NCF2: variants seen among roughly 807,000 people sequenced by gnomAD.
The protein encoded by NCF2 is neutrophil cytosol factor 2.
In NCF2, 45 loss-of-function variants were observed where a neutral mutation model predicts 70.9. The observed-to-expected ratio is 0.63, with a 90% CI of 0.50 to 0.81. NCF2 has a LOEUF of 0.81. NCF2 is among the 40% of genes least tolerant of loss of function. The probability of loss-of-function intolerance (pLI) is 0.00; values close to 1 mark genes in which losing one functional copy is unlikely to be tolerated. For missense variants in NCF2, 522 were observed against 631.6 expected (o/e 0.83, Z 1.86); for synonymous variants, 203 against 233.6 (o/e 0.87, Z 1.19).
intron 1 of NCF2, 123 bp downstream of exon 1, chr1:183,590,033 G>A (rs2102941920): frequency 6.9e-7 from 1 of 1,445,270 alleles, no homozygotes; most frequent in South Asian, 1.2e-5. Flanking sequence ...GTCTAGGGGT[G>A]GAGCTTGGGC....
chr1:183,601,453 T>A, the NCF2 span, among the ~76,000 whole-genome samples: 2 of 152,260 alleles, frequency 1.3e-5, no homozygotes, highest in Non-Finnish European at 1.5e-5. Flanking sequence ...AATTAGAATA[T>A]CTGAGTCACA....
intron 2 of NCF2, among the ~76,000 whole-genome samples, chr1:183,581,876 C>T (rs1046600214): frequency 6.6e-6 from 1 of 152,152 alleles, no homozygotes; most frequent in Non-Finnish European, 1.5e-5. Flanking sequence ...ACCGTGTTAG[C>T]CAGGATGGTC....
chr1:183,566,366 G>T (rs1487741962), intron 9 of NCF2, among the ~76,000 whole-genome samples: 2 of 152,146 alleles, frequency 1.3e-5, no homozygotes, highest in Non-Finnish European at 2.9e-5. Context: ...GCAGTGGCTG[G>T]CAAGGCCCAC....
chr1:183,564,821 T>G (rs1672232251), intron 10 of NCF2, among the ~76,000 whole-genome samples: 2 of 152,256 alleles, frequency 1.3e-5, no homozygotes, highest in Admixed American at 1.3e-4. Flanking sequence ...TACTATCATA[T>G]GAATGTTTAG....
intron 2 of NCF2, 71 bp downstream of exon 2, chr1:183,586,824 A>C (rs1348419798): frequency 7.0e-7 from 1 of 1,420,298 alleles, no homozygotes; most frequent in Non-Finnish European, 1.0e-6. Flanking sequence ...TCAAACACCA[A>C]GCCCGCAACA....
chr1:183,583,172 C>T (rs965751318), intron 2 of NCF2, among the ~76,000 whole-genome samples: 4 of 152,126 alleles, frequency 2.6e-5, no homozygotes, highest in Admixed American at 6.6e-5. Flanking sequence ...CCTGCCTCAG[C>T]GTCCCAAGTA....
the NCF2 span, among the ~76,000 whole-genome samples, chr1:183,601,148 GAGA>G: frequency 6.6e-6 from 1 of 152,154 alleles, no homozygotes; most frequent in Non-Finnish European, 1.5e-5. Context: ...TCTTCCCTCA[GAGA>G]AGATTTTAAG....
At position 183,563,563 on chromosome 1, in the gene NCF2, A is replaced by G; in HGVS notation, c.1049T>C (p.Met350Thr). ...EPKEVKLSVPMPYTLKVHYKY... is the reference protein window; with the variant it reads ...EPKEVKLSVPTPYTLKVHYKY... Reference sequence around the variant, plus strand: ...GTAGTGCACCTTGAGTGTGTAGGGCATGGGAACACTGAGCTTCACTTCCTG... The same window carrying G: ...GTAGTGCACCTTGAGTGTGTAGGGCGTGGGAACACTGAGCTTCACTTCCTG... The change falls in exon 12 of 15, where the codon ATG (methionine) becomes ACG (threonine). Residue 350 changes from methionine (M) to threonine (T), a missense_variant. By Grantham distance (81) the Met-to-Thr change is moderately conservative. Coordinates refer to ENST00000367535, the MANE Select transcript of NCF2 (RefSeq NM_000433.4). The G allele has an allele frequency of 2.5e-6, 4 of 1,613,822 alleles. No homozygotes were observed. Among genetic ancestry groups the G allele is most frequent in the Non-Finnish European group, 3.4e-6 (4 of 1,180,024 alleles).
intron 4 of NCF2, 68 bp downstream of exon 4, chr1:183,574,419 G>T: frequency 1.2e-6 from 2 of 1,607,884 alleles, no homozygotes; most frequent in Middle Eastern, 1.7e-4. Context: ...CTTCTCAATG[G>T]CATGTCCTCT....
rs746214657 is a variant in NCF2, at chr1:183,567,391, T to C, written c.714-46A>G. 3.1e-6 allele frequency: 5 copies of C among 1,611,562 alleles called. No individual in the cohort carries two copies. In the East Asian group the frequency reaches 6.7e-5, roughly 22 times the overall value. On this transcript the variant is annotated intron_variant, in intron 7 of 14. Transcript: ENST00000367535. The stretch of plus-strand genomic sequence containing the variant: ...ATCCAGCCCCCATCCCCTCACATGA[T>C]GCCATGGCGCAAATACACTGAACTT...
At chr1:183,588,277 TAAAAAAGATAGGGA>T (rs1371702678) in intron 1 of NCF2, among the ~76,000 whole-genome samples, 2 of 152,000 alleles carry the variant, frequency 1.3e-5, no homozygotes, top group African/African-American at 4.8e-5. Context: ...CTGTGGAAGA[TAAAAAAGATAGGGA>T]AATAGGAGAA....
intron 10 of NCF2, 152 bp from the exon 11 acceptor site, chr1:183,564,182 T>A: frequency 1.2e-6 from 1 of 807,750 alleles, no homozygotes; most frequent in Non-Finnish European, 2.1e-6. Flanking sequence ...TAGTAAACTG[T>A]GGGGAAAATC....
At chr1:183,559,776 T>C (rs1485701006) in intron 14 of NCF2, among the ~76,000 whole-genome samples, 1 of 152,160 alleles carries the variant, frequency 6.6e-6, no homozygotes, top group Non-Finnish European at 1.5e-5. Context: ...GGAGAATTGC[T>C]TGAACCCAGG....
At chr1:183,573,118 C>A in intron 5 of NCF2, 67 bp downstream of exon 5, 1 of 1,417,778 alleles carries the variant, frequency 7.1e-7, no homozygotes, top group Admixed American at 1.7e-5. Context: ...CTCAAGAGTC[C>A]CTCCCACCTT....
the NCF2 span, among the ~76,000 whole-genome samples, chr1:183,600,203 T>A: frequency 6.6e-6 from 1 of 152,170 alleles, no homozygotes; most frequent in Non-Finnish European, 1.5e-5. Flanking sequence ...TGCCCAAACA[T>A]CGGAAGATGA....
the NCF2 span, among the ~76,000 whole-genome samples, chr1:183,601,594 A>G: frequency 6.6e-6 from 1 of 152,252 alleles, no homozygotes. Flanking sequence ...ACGGTGTGTC[A>G]TGCCTGTAAT....
At chr1:183,599,428 T>TTCTTTCTTTCTTTCTTTC in the NCF2 span, among the ~76,000 whole-genome samples, 21 of 79,332 alleles carry the variant, frequency 2.6e-4, no homozygotes, top group African/African-American at 9.1e-4. Flanking sequence ...CTTTCCTTCT[T>TTCTTTCTTTCTTTCTTTC]TCTTTCTTTC....
chr1:183,596,448 G>T, the NCF2 span, among the ~76,000 whole-genome samples: 1 of 151,922 alleles, frequency 6.6e-6, no homozygotes, highest in South Asian at 2.1e-4. Context: ...AATCCTGAAT[G>T]AAGCAAGTAA....
chr1:183,583,687 A>G (rs1297442012), intron 2 of NCF2, among the ~76,000 whole-genome samples: 3 of 152,240 alleles, frequency 2.0e-5, no homozygotes, highest in African/African-American at 7.2e-5. Flanking sequence ...CGGGCCAGAC[A>G]TATTACAAAA....
Sources: allele counts gnomAD v4.1 joint callset (sites outside exome capture counted in the v4.1 genomes callset), GRCh38; gene constraint gnomAD v4.1.1; transcripts MANE v1.5; gene names NCBI Gene and HGNC (gene_info 2026-07-23, HGNC 2026-07-21).